MIA2: variants seen among roughly 807,000 people sequenced by gnomAD.
The protein encoded by MIA2 is melanoma inhibitory activity protein 2.
MIA2 carries 127 observed loss-of-function variants against 167.8 expected under a neutral mutation model. The observed-to-expected ratio is 0.76, with a 90% CI of 0.66 to 0.88. MIA2 has a LOEUF of 0.88. Among genes scored for constraint, MIA2 ranks in the 40% least tolerant of loss-of-function variants. MIA2 has a pLI of 0.00. For missense variants in MIA2, 1,690 were observed against 1,624.7 expected (o/e 1.04, Z -0.69); for synonymous variants, 552 against 541.9 (o/e 1.02, Z -0.26).
chr14:39,299,301 A>ATTTATT (rs1555376456), intron 13 of MIA2, among the ~76,000 whole-genome samples: 1 of 58,598 alleles, frequency 1.7e-5, no homozygotes, highest in African/African-American at 5.4e-5. Flanking sequence ...GATTAATGGT[A>ATTTATT]TTTCTTTTTT....
chr14:39,386,152 G>A (rs1447957036), intron 23 of MIA2: 10 of 1,343,752 alleles, frequency 7.4e-6, no homozygotes, highest in South Asian at 1.2e-5. Flanking sequence ...GTCTGAAATA[G>A]GAAGATGTTG....
At chr14:39,341,499 G>A (rs1467967048) in intron 25 of MIA2, among the ~76,000 whole-genome samples, 1 of 152,132 alleles carries the variant, frequency 6.6e-6, no homozygotes, top group African/African-American at 2.4e-5. Context: ...AATTGTGGTA[G>A]CTGGGTCAAT....
chr14:39,325,620 A>G (rs551737163), intron 24 of MIA2, among the ~76,000 whole-genome samples: 318 of 150,750 alleles, frequency 2.1e-3, no homozygotes, highest in African/African-American at 6.5e-3. Context: ...GCCCGCCTTG[A>G]CCTCCCAAAG....
At chr14:39,386,179 C>T in intron 23 of MIA2, 1 of 1,393,522 alleles carries the variant, frequency 7.2e-7, no homozygotes, top group South Asian at 1.2e-5. Context: ...AGGTCTTGCC[C>T]TTGCTGGGGG....
intron 23 of MIA2, among the ~76,000 whole-genome samples, chr14:39,375,749 A>G (rs2139340255): frequency 6.6e-6 from 1 of 152,308 alleles, no homozygotes; most frequent in South Asian, 2.1e-4. Flanking sequence ...GAGAAGTTCA[A>G]GGAAACAACC....
intron 23 of MIA2, among the ~76,000 whole-genome samples, chr14:39,365,233 T>G (rs2074794036): frequency 6.6e-6 from 1 of 152,164 alleles, no homozygotes; most frequent in South Asian, 2.1e-4. Flanking sequence ...GCCTGGCTAA[T>G]TTTTGTATCT....
chr14:39,252,673 G>A (rs1364982571), intron 4 of MIA2, 75 bp from the exon 5 acceptor site: 13 of 1,105,054 alleles, frequency 1.2e-5, no homozygotes, highest in African/African-American at 1.6e-5. Context: ...AAAATGACCT[G>A]CCTAGAAAAC....
intron 9 of MIA2, among the ~76,000 whole-genome samples, chr14:39,286,106 G>T (rs977971872): frequency 4.6e-5 from 7 of 152,168 alleles, no homozygotes; most frequent in Non-Finnish European, 8.8e-5. Flanking sequence ...CTGGGAGGTG[G>T]AGGTTGTAGC....
intron 23 of MIA2, among the ~76,000 whole-genome samples, chr14:39,364,172 A>G (rs1430320252): frequency 6.6e-6 from 1 of 152,178 alleles, no homozygotes; most frequent in African/African-American, 2.4e-5. Flanking sequence ...ATCCTGGCCA[A>G]CATGGTGAAA....
exon 24 of MIA2, chr14:39,387,604 G>A (rs4899237): frequency 0.91 from 139,228 of 152,340 alleles, 63,738 homozygotes; most frequent in East Asian, 0.96. Context: ...CAATACTTCA[G>A]ATATTCCATA....
At chr14:39,263,496 G>T (rs1329318476) in intron 6 of MIA2, among the ~76,000 whole-genome samples, 1 of 151,594 alleles carries the variant, frequency 6.6e-6, no homozygotes, top group Non-Finnish European at 1.5e-5. Flanking sequence ...TAGTCTCCCA[G>T]AGTGCTAGGA....
intron 25 of MIA2, among the ~76,000 whole-genome samples, chr14:39,328,651 A>C (rs955401543): frequency 6.6e-6 from 1 of 152,154 alleles, no homozygotes; most frequent in Non-Finnish European, 1.5e-5. Flanking sequence ...TATAAGGTGC[A>C]GGGAAGGGGT....
intron 7 of MIA2, among the ~76,000 whole-genome samples, chr14:39,278,887 A>C (rs766582245): frequency 1.3e-5 from 2 of 152,170 alleles, no homozygotes; most frequent in Non-Finnish European, 2.9e-5. Flanking sequence ...TAGGCTGGGC[A>C]TGGTGGTTCA....
At position 39,317,927 on chromosome 14, in the gene MIA2, G is replaced by T; in HGVS notation, c.3217-17G>T. 1 of 1,538,906 alleles carries T rather than the reference G, an allele frequency of 6.5e-7. No homozygotes were observed. Among genetic ancestry groups the T allele is most frequent in the Non-Finnish European group, 8.8e-7 (1 of 1,140,070 alleles). ...GTTTATATAAATATATTTTTAAAAT[G>T]TGTTATTTTCTTCAAGTTGGCAGCT... On this transcript the variant is annotated splice_polypyrimidine_tract_variant and intron_variant, in intron 21 of 28. Transcript: ENST00000640607.
At position 39,294,051 on chromosome 14, in the gene MIA2, C is replaced by T. The variant is rs774103157; in HGVS notation, c.2371C>T (p.Leu791Phe). Residue 791 changes from leucine (L) to phenylalanine (F), a missense_variant, in exon 12 of 29, where the codon CTC (leucine) becomes TTC (phenylalanine). Transcript: ENST00000640607. ...IQSLEDESKS[L>F]KSQVAEAKMT... ...GTCTCTAGAAGATGAGTCAAAATCC[C>T]TCAAATCACAAGTAGCTGAAGTAAG... The T allele has an allele frequency of 6.2e-7, 1 of 1,611,054 alleles. No homozygotes were observed. Among genetic ancestry groups the T allele is most frequent in the African/African-American group, 1.3e-5 (1 of 74,752 alleles).
At chr14:39,291,140 TACTA>T in intron 10 of MIA2, 44 bp downstream of exon 10, 1 of 1,523,222 alleles carries the variant, frequency 6.6e-7, no homozygotes, top group South Asian at 1.2e-5. Context: ...GGGAAAAAAA[TACTA>T]AGTAACAAAA....
At chr14:39,385,924 A>G (rs965232271) in intron 23 of MIA2, 2 of 859,066 alleles carry the variant, frequency 2.3e-6, no homozygotes, top group African/African-American at 3.3e-5. Context: ...TCTTCTTCCT[A>G]AACTGGTGGG....
chr14:39,303,647 T>G, intron 16 of MIA2, 123 bp downstream of exon 16: 3 of 598,274 alleles, frequency 5.0e-6, no homozygotes, highest in Non-Finnish European at 8.5e-6. Flanking sequence ...TTACAAATTA[T>G]CAGAATTTTC....
At chr14:39,241,150 T>A (rs946794960) in intron 3 of MIA2, among the ~76,000 whole-genome samples, 2 of 152,250 alleles carry the variant, frequency 1.3e-5, no homozygotes, top group Admixed American at 1.3e-4. Flanking sequence ...CGCTCCTTAG[T>A]CTCATATCTG....
Sources: allele counts gnomAD v4.1 joint callset (sites outside exome capture counted in the v4.1 genomes callset), GRCh38; gene constraint gnomAD v4.1.1; transcripts MANE v1.5; gene names NCBI Gene and HGNC (gene_info 2026-07-23, HGNC 2026-07-21).